Variants in GNA11 observed in about 807,000 individuals in gnomAD.
GNA11 encodes guanine nucleotide-binding protein subunit alpha-11.
Under a neutral mutation model 38.2 loss-of-function variants are expected in GNA11, and 8 were observed. That is an observed-to-expected ratio of 0.21 (90% CI 0.12 to 0.38). GNA11 has a LOEUF of 0.38. Ranked by LOEUF, GNA11 falls within the 10% of genes least tolerant of loss-of-function variation. The pLI is 1.00. For synonymous variants in GNA11, 211 were observed against 221.4 expected, an observed-to-expected ratio of 0.95 and a Z score of 0.42; for missense variants, 268 against 516.3, an observed-to-expected ratio of 0.52 and a Z score of 4.66.
intron 2 of GNA11, among the ~76,000 whole-genome samples, chr19:3,112,484 TGTC>T (rs754023870): frequency 3.9e-5 from 6 of 152,292 alleles, no homozygotes; most frequent in Non-Finnish European, 7.4e-5. Context: ...TGGCTGGTCA[TGTC>T]GGCCTGTGCG....
At chr19:3,114,163 G>T (rs921028538) in intron 3 of GNA11, among the ~76,000 whole-genome samples, 1 of 152,120 alleles carries the variant, frequency 6.6e-6, no homozygotes, top group African/African-American at 2.4e-5. Flanking sequence ...CCCTGCCTCT[G>T]GGAGGTTGTG....
chr19:3,116,862 G>C (rs1913937945), intron 4 of GNA11, among the ~76,000 whole-genome samples: 1 of 152,192 alleles, frequency 6.6e-6, no homozygotes. Context: ...CGGGAAGTCT[G>C]TGGGGTTTTC....
rs1163254168 is a variant in GNA11 at position 3,120,384 on chromosome 19, A to C, written c.890-605A>C. Among the ~76,000 whole-genome samples, 1 of 151,816 alleles carries C rather than the reference A, an allele frequency of 6.6e-6. No individual in the cohort carries two copies. The highest frequency in any genetic ancestry group is 2.4e-5 in the African/African-American group (1 of 41,348). On this transcript the variant is annotated intron_variant, in intron 6 of 6. Coordinates refer to ENST00000078429, the MANE Select transcript of GNA11 (RefSeq NM_002067.5). The surrounding 1 kb of genome is among the most constrained non-coding windows in gnomAD (Gnocchi z 5.9). Reference sequence around the variant, plus strand: ...GGACTGGGGCATAGACCCCTGTCCCACCAGTCCCCAGAGCAGCCCCTTGAA... The same window carrying C: ...GGACTGGGGCATAGACCCCTGTCCCCCCAGTCCCCAGAGCAGCCCCTTGAA...
intron 1 of GNA11, among the ~76,000 whole-genome samples, chr19:3,107,445 C>A (rs1913665582): frequency 6.6e-6 from 1 of 152,184 alleles, no homozygotes; most frequent in South Asian, 2.1e-4. Flanking sequence ...GCGGCGCCTT[C>A]TGACCCGAGT....
At position 3,110,069 on chromosome 19, in the gene GNA11, G is replaced by T; in HGVS notation, c.137-80G>T. On this transcript the variant is annotated intron_variant, in intron 1 of 6. Coordinates refer to ENST00000078429, the MANE Select transcript of GNA11 (RefSeq NM_002067.5). This position sits in a 1 kb window ranked among gnomAD's most constrained non-coding sequence, Gnocchi z 5.4. ...TTCCTGTGCTGGGTGCTGCAGCACG[G>T]CAGGGTCTGGGTAAGAGGGGGCAGC... 8.5e-7 allele frequency: 1 copy of T among 1,180,142 alleles called. No individual in the cohort carries two copies. The highest frequency in any genetic ancestry group is 1.4e-5 in the South Asian group (1 of 70,908). The allele number at this position is 1,180,142 out of a possible 1,614,324, so 73.1% of individuals were successfully genotyped here.
At chr19:3,104,784 A>C (rs1913597612) in intron 1 of GNA11, among the ~76,000 whole-genome samples, 1 of 152,178 alleles carries the variant, frequency 6.6e-6, no homozygotes, top group Non-Finnish European at 1.5e-5. Context: ...GCCACACCTC[A>C]CTGAGGAGGG....
intron 4 of GNA11, 41 bp downstream of exon 4, chr19:3,115,113 A>G (rs2145321355): frequency 6.3e-7 from 1 of 1,596,652 alleles, no homozygotes; most frequent in East Asian, 2.2e-5. Context: ...GGGCACTGAG[A>G]GGCTCATTTG....
Position 3,119,074 on chromosome 19 carries a change from G to C in GNA11, c.735+21G>C, listed in dbSNP as rs2145326496. 1 of 1,610,144 alleles carries C rather than the reference G, an allele frequency of 6.2e-7. No homozygotes were observed. The highest frequency in any genetic ancestry group is 8.5e-7 in the Non-Finnish European group (1 of 1,178,574). ...ACGAGGTGGGCCCTGCCCTGAGCAG[G>C]GGCAGCGTTGGGGGCCGGGCCTTCC... is the stretch of plus-strand genomic sequence containing the variant. On this transcript the variant is annotated intron_variant, in intron 5 of 6. Transcript: ENST00000078429. This position sits in a 1 kb window ranked among gnomAD's most constrained non-coding sequence, Gnocchi z 4.6.
Position 3,110,216 on chromosome 19 carries a change from G to A in GNA11, c.204G>A (p.Ser68=), listed in dbSNP as rs369699960. The change falls in exon 2 of 7, where the codon TCG becomes TCA. Residue 68 remains serine, a synonymous_variant. Transcript: ENST00000078429. The surrounding 1 kb of genome is among the most constrained non-coding windows in gnomAD (Gnocchi z 5.4). ...QMRIIHGAGY[S]EEDKRGFTKL... ...GCATCATCCACGGCGCCGGCTACTCGGAGGAGGACAAGCGCGGCTTCACCA... is the reference window on the plus strand; with the variant it reads ...GCATCATCCACGGCGCCGGCTACTCAGAGGAGGACAAGCGCGGCTTCACCA... 1.6e-4 allele frequency: 257 copies of A among 1,613,786 alleles called. 2 individuals carry two copies. Among genetic ancestry groups the A allele is most frequent in the South Asian group, 1.9e-4 (17 of 91,058 alleles).
chr19:3,103,794 C>T (rs1041275600), intron 1 of GNA11, among the ~76,000 whole-genome samples: 2 of 151,750 alleles, frequency 1.3e-5, no homozygotes, highest in African/African-American at 4.8e-5. Context: ...AGCTCCGCCT[C>T]CTGATTCACG....
In GNA11 at chr19:3,120,998, G is replaced by A. The variant is rs919502623; in HGVS notation, c.899G>A (p.Arg300Gln). 7.4e-6 allele frequency: 12 copies of A among 1,612,574 alleles called. No individual in the cohort carries two copies. Among genetic ancestry groups the A allele is most frequent in the African/African-American group, 4.0e-5 (3 of 74,890 alleles). The change falls in exon 7 of 7, where the codon CGG becomes CAG. Residue 300 changes from arginine to glutamine, a missense_variant. Coordinates refer to ENST00000078429, the MANE Select transcript of GNA11 (RefSeq NM_002067.5). This position sits in a 1 kb window ranked among gnomAD's most constrained non-coding sequence, Gnocchi z 5.9. ...CTCTGCCCTCCCCCAGGTCCCCAGC[G>A]GGACGCCCAGGCGGCGCGGGAGTTC... ...DYFPEFDGPQ[R>Q]DAQAAREFIL... is the part of the protein sequence containing the mutation.
At position 3,115,082 on chromosome 19, in the gene GNA11, G is replaced by C. The variant is rs535105766; in HGVS notation, c.605+10G>C. The C allele has an allele frequency of 6.2e-7, 1 of 1,605,582 alleles. No individual in the cohort carries two copies. The highest frequency in any genetic ancestry group is 1.1e-5 in the South Asian group (1 of 88,482). On this transcript the variant is annotated intron_variant, in intron 4 of 6. Coordinates refer to ENST00000078429, the MANE Select transcript of GNA11 (RefSeq NM_002067.5). Reference sequence around the variant, plus strand: ...AGAACATCATCTTCCGGTACCGCCCGGGCCACAGCAGGCGGGGAGGGGGCA... The same window carrying C: ...AGAACATCATCTTCCGGTACCGCCCCGGCCACAGCAGGCGGGGAGGGGGCA...
chr19:3,094,822 C>A lies in GNA11; in HGVS notation c.136+35C>A. 2 of 1,469,124 alleles carry A rather than the reference C, an allele frequency of 1.4e-6. No homozygotes were observed. Among genetic ancestry groups the A allele is most frequent in the Non-Finnish European group, 1.8e-6 (2 of 1,102,684 alleles). The allele number at this position is 1,469,124 out of a possible 1,614,324, so 91.0% of individuals were successfully genotyped here. A position where few individuals can be genotyped will look rare whatever the true frequency, so the allele number is the denominator to read the frequency against. ...GCCCCCGGGCCTGCCGGCTGCGGGC[C>A]CTGCCCTGCCTGTGCCTGCCCTGCC... is the stretch of plus-strand genomic sequence containing the variant. On this transcript the variant is annotated intron_variant, in intron 1 of 6. Transcript: ENST00000078429. This position sits in a 1 kb window ranked among gnomAD's most constrained non-coding sequence, Gnocchi z 6.0.
chr19:3,114,295 G>A (rs983143732), intron 3 of GNA11, among the ~76,000 whole-genome samples: 3 of 152,074 alleles, frequency 2.0e-5, no homozygotes, highest in African/African-American at 7.2e-5. Context: ...CTCGAGGGGC[G>A]CCCCACTCAG....
In GNA11 at chr19:3,110,193, A is replaced by G; in HGVS notation, c.181A>G (p.Ile61Val). The G allele has an allele frequency of 1.2e-6, 2 of 1,613,366 alleles. No homozygotes were observed. Among genetic ancestry groups the G allele is most frequent in the Non-Finnish European group, 1.7e-6 (2 of 1,179,756 alleles). Residue 61 changes from isoleucine to valine, a missense_variant, in exon 2 of 7, where the codon ATC becomes GTC. Physicochemically the swap from Ile to Val is conservative, Grantham distance 29. Transcript: ENST00000078429. This position sits in a 1 kb window ranked among gnomAD's most constrained non-coding sequence, Gnocchi z 5.4. ...GAGCACGTTCATCAAGCAGATGCGC[A>G]TCATCCACGGCGCCGGCTACTCGGA... Reference protein sequence around the residue: ...GKSTFIKQMRIIHGAGYSEED... With the variant: ...GKSTFIKQMRVIHGAGYSEED...
chr19:3,098,550 G>A (rs920090664), intron 1 of GNA11, among the ~76,000 whole-genome samples: 1 of 152,228 alleles, frequency 6.6e-6, no homozygotes, highest in African/African-American at 2.4e-5. Flanking sequence ...GGCTGCTAGC[G>A]AGGCTGAGCC....
At position 3,110,542 on chromosome 19, in the gene GNA11, G is replaced by A. The variant is rs1423434336; in HGVS notation, c.321+209G>A. On this transcript the variant is annotated intron_variant, in intron 2 of 6. Coordinates refer to ENST00000078429, the MANE Select transcript of GNA11 (RefSeq NM_002067.5). The surrounding 1 kb of genome is among the most constrained non-coding windows in gnomAD (Gnocchi z 5.4). The stretch of plus-strand genomic sequence containing the variant: ...ACTGGAGAGTTGTGATGGGCATTGC[G>A]TGGCCAAGCCCCACAGCCTCCCTCC... Among the ~76,000 whole-genome samples the A allele has an allele frequency of 3.3e-5, 5 of 152,302 alleles. No homozygotes were observed. The highest frequency in any genetic ancestry group is 4.1e-4 in the South Asian group (2 of 4,826).
rs1336078952 is a variant in GNA11, at chr19:3,121,350, A to C, written c.*171A>C. On this transcript the variant is annotated 3_prime_UTR_variant, in exon 7 of 7. Coordinates refer to ENST00000078429, the MANE Select transcript of GNA11 (RefSeq NM_002067.5). ...AAATGGTTTTTATTTCACAGTTATC[A>C]GGGGATGTACATCTCTCCCTCCGTA... 1.2e-4 allele frequency: 71 copies of C among 572,314 alleles called. 1 individual carries two copies. The highest frequency in any genetic ancestry group is 1.1e-4 in the Non-Finnish European group (34 of 321,730). The allele number at this position is 572,314 out of a possible 1,614,324, so 35.5% of individuals were successfully genotyped here.
chr19:3,115,475 A>G (rs1015964878), intron 4 of GNA11: 21 of 165,140 alleles, frequency 1.3e-4, no homozygotes, highest in Admixed American at 1.1e-3. Context: ...AGGGGATAAG[A>G]TTTATCTCTA....
Sources: gnomAD v4.1 joint callset for allele counts (sites outside exome capture counted in the v4.1 genomes callset) on GRCh38, gnomAD v4.1.1 for gene constraint, Gnocchi (gnomAD v3.1) non-coding constraint, MANE v1.5 for transcripts, NCBI Gene and HGNC (gene_info 2026-07-23, HGNC 2026-07-21) for gene names.